JAK1: variants seen among roughly 807,000 people sequenced by gnomAD.
JAK1 encodes Janus kinase 1, also known as tyrosine-protein kinase JAK1.
A neutral mutation model predicts 136.6 loss-of-function variants in JAK1; 16 were observed. That is an observed-to-expected ratio of 0.12 (90% confidence interval 0.08 to 0.18). The LOEUF is 0.18. Among genes scored for constraint, JAK1 ranks in the 10% least tolerant of loss-of-function variants. The pLI is 1.00. For missense variants in JAK1, 859 were observed against 1,450.1 expected (o/e 0.59, Z 6.62); for synonymous variants, 492 against 519.5 (o/e 0.95, Z 0.72).
rs111910537 is a variant in JAK1, at chr1:64,937,753, C to CA, written c.-78+28579dup. Reference sequence around the variant, plus strand: ...TTAAAGCGAGGTCAAACTGATCCATCAACAAGTCAACTGAACATTTGATAT... The same window carrying CA: ...TTAAAGCGAGGTCAAACTGATCCATCAAACAAGTCAACTGAACATTTGATAT... On this transcript the variant is annotated intron_variant, in intron 1 of 24. Transcript: ENST00000342505. Among the ~76,000 whole-genome samples the CA allele has an allele frequency of 9.8e-5, 15 of 152,326 alleles. 1 individual carries two copies. Among genetic ancestry groups the CA allele is most frequent in the African/African-American group, 3.4e-4 (14 of 41,572 alleles).
intron 2 of JAK1, chr1:64,986,079 T>G (rs1646596178): frequency 2.0e-5 from 22 of 1,091,918 alleles, no homozygotes. Context: ...TGGGGTGACC[T>G]TCTATGTCCC....
chr1:64,927,314 A>G (rs994895507), intron 1 of JAK1, among the ~76,000 whole-genome samples: 4 of 152,012 alleles, frequency 2.6e-5, no homozygotes, highest in African/African-American at 9.7e-5. Context: ...TGATCCATGT[A>G]TTTGTTTTGT....
chr1:64,940,935 T>C (rs1166066159), intron 1 of JAK1, among the ~76,000 whole-genome samples: 1 of 152,174 alleles, frequency 6.6e-6, no homozygotes, highest in Non-Finnish European at 1.5e-5. Context: ...GAGGCTGAGA[T>C]GGGTGGACAA....
intron 1 of JAK1, among the ~76,000 whole-genome samples, chr1:64,905,975 T>C (rs1327403736): frequency 6.6e-6 from 1 of 152,204 alleles, no homozygotes; most frequent in Admixed American, 6.5e-5. Context: ...CCCTGTTGCA[T>C]GGTTCAAATG....
At position 64,836,298 on chromosome 1, in the gene JAK1, C is replaced by T. The variant is rs998161564; in HGVS notation, c.3141-83G>A. 1.4e-5 allele frequency: 11 copies of T among 801,006 alleles called. No homozygotes were observed. The Admixed American group carries it at 1.4e-4, about 10-fold the overall frequency. The allele number at this position is 801,006 out of a possible 1,614,324, so 49.6% of individuals were successfully genotyped here. Reference sequence around the variant, plus strand: ...TTACAGGATAACTGAAAAATCACCTCTTCGGTTTTTCTTATAATTTAATAC... The same window carrying T: ...TTACAGGATAACTGAAAAATCACCTTTTCGGTTTTTCTTATAATTTAATAC... On this transcript the variant is annotated intron_variant, in intron 22 of 24. Transcript: ENST00000342505.
chr1:64,965,344 T>C (rs958338041), intron 1 of JAK1, among the ~76,000 whole-genome samples: 1 of 152,108 alleles, frequency 6.6e-6, no homozygotes. Context: ...AGCCACGTAG[T>C]AAGAAGAGTG....
chr1:64,877,412 C>T (rs1644690466), intron 4 of JAK1, among the ~76,000 whole-genome samples: 1 of 151,916 alleles, frequency 6.6e-6, no homozygotes, highest in Non-Finnish European at 1.5e-5. Context: ...AGTCAAGGTG[C>T]TAAAAGTGAA....
At chr1:64,865,984 T>C (rs1656679085) in intron 7 of JAK1, among the ~76,000 whole-genome samples, 1 of 152,152 alleles carries the variant, frequency 6.6e-6, no homozygotes, top group African/African-American at 2.4e-5. Flanking sequence ...AGGCTCAAAC[T>C]CCTCGGCTCA....
In JAK1 at chr1:64,933,431, T is replaced by C. The variant is rs866204884; in HGVS notation, c.-78+32902A>G. ...CTAAGTGACGTATCCCTGTTGTACA[T>C]GTTTCCAAGGGAAGTGACAAAATTT... On this transcript the variant is annotated intron_variant, in intron 1 of 24. Transcript: ENST00000342505. Among the ~76,000 whole-genome samples the C allele has an allele frequency of 8.5e-5, 13 of 152,210 alleles. 1 individual carries two copies. Among genetic ancestry groups the C allele is most frequent in the African/African-American group, 2.7e-4 (11 of 41,458 alleles).
At chr1:64,863,886 T>C (rs1656523463) in intron 8 of JAK1, among the ~76,000 whole-genome samples, 3 of 152,252 alleles carry the variant, frequency 2.0e-5, no homozygotes, top group Admixed American at 2.0e-4. Flanking sequence ...TCATAAACCA[T>C]AACCTGCCTC....
intron 2 of JAK1, among the ~76,000 whole-genome samples, chr1:65,039,489 AACTGTGGC>A (rs1647110073): frequency 6.6e-6 from 1 of 152,340 alleles, no homozygotes; most frequent in African/African-American, 2.4e-5. Context: ...CAGATAAGTA[AACTGTGGC>A]TTCGAGAGGT....
intron 1 of JAK1, among the ~76,000 whole-genome samples, chr1:64,888,672 C>T (rs190207329): frequency 2.0e-5 from 3 of 152,308 alleles, no homozygotes; most frequent in Admixed American, 1.3e-4. Flanking sequence ...GTCTCTTCTG[C>T]AAGCAATACT....
chr1:64,875,084 C>T (rs1238624883), intron 4 of JAK1, among the ~76,000 whole-genome samples: 1 of 152,196 alleles, frequency 6.6e-6, no homozygotes, highest in Non-Finnish European at 1.5e-5. Context: ...TGAAATTAGA[C>T]ATTTTATGGG....
At chr1:65,002,837 C>T (rs890972907) in intron 2 of JAK1, among the ~76,000 whole-genome samples, 3 of 152,180 alleles carry the variant, frequency 2.0e-5, no homozygotes, top group Admixed American at 6.5e-5. Context: ...TCGCAGAGTC[C>T]CAGGAAAGCG....
chr1:64,883,228 A>C, intron 3 of JAK1, 49 bp downstream of exon 3: 3 of 1,479,408 alleles, frequency 2.0e-6, no homozygotes, highest in Non-Finnish European at 2.8e-6. Context: ...GATCTTCTGA[A>C]CTAGTGTGTT....
intron 18 of JAK1, 35 bp downstream of exon 18, chr1:64,841,416 C>A (rs780277469): frequency 2.5e-6 from 4 of 1,613,940 alleles, no homozygotes; most frequent in Non-Finnish European, 3.4e-6. Flanking sequence ...TGTTTCTCCC[C>A]AAGCTGGGTT....
intron 4 of JAK1, among the ~76,000 whole-genome samples, chr1:64,878,263 T>TACTGA (rs1239647274): frequency 7.2e-5 from 11 of 152,340 alleles, no homozygotes; most frequent in African/African-American, 2.6e-4. Flanking sequence ...CCATTCTAGT[T>TACTGA]ACTGAACAAA....
At chr1:64,994,571 G>A (rs532025219) in intron 2 of JAK1, among the ~76,000 whole-genome samples, 5 of 152,240 alleles carry the variant, frequency 3.3e-5, no homozygotes, top group African/African-American at 1.2e-4. Flanking sequence ...CCCTTTTACA[G>A]TCAGTATTAA....
intron 2 of JAK1, among the ~76,000 whole-genome samples, chr1:65,009,727 T>C (rs552952473): frequency 1.2e-4 from 19 of 152,340 alleles, no homozygotes; most frequent in South Asian, 2.1e-4. Flanking sequence ...AGATAAATAC[T>C]GTTATTCTCC....
Sources: gnomAD v4.1 joint callset for allele counts (sites outside exome capture counted in the v4.1 genomes callset) on GRCh38, gnomAD v4.1.1 for gene constraint, MANE v1.5 for transcripts, NCBI Gene and HGNC (gene_info 2026-07-23, HGNC 2026-07-21) for gene names.